BCOR: variants seen among roughly 807,000 people sequenced by gnomAD.
BCOR encodes the protein BCL-6 corepressor.
A neutral mutation model predicts 86.7 loss-of-function variants in BCOR; 10 were observed. The observed-to-expected ratio is 0.12, with a 90% CI of 0.07 to 0.20. The LOEUF (loss-of-function observed/expected upper bound fraction) is 0.20. Ranked by LOEUF, BCOR falls within the 10% of genes least tolerant of loss-of-function variation. The probability of loss-of-function intolerance (pLI) is 1.00; values close to 1 mark genes in which losing one functional copy is unlikely to be tolerated. For missense variants in BCOR, 1,259 were observed against 1,452.1 expected, an observed-to-expected ratio of 0.87 and a Z score of 2.16; for synonymous variants, 611 against 609.0, an observed-to-expected ratio of 1.00 and a Z score of -0.05.
chrX:40,063,546 A>G, intron 8 of BCOR, 62 bp downstream of exon 8: 5 of 966,521 alleles, frequency 5.2e-6, no homozygotes, highest in Non-Finnish European at 7.3e-6. Context: ...CCTTTCCTAC[A>G]GAGAGTGGAT....
At chrX:40,156,191 G>A (rs1299158141) in intron 1 of BCOR, among the ~76,000 whole-genome samples, 2 of 112,865 alleles carry the variant, frequency 1.8e-5, no homozygotes, top group East Asian at 5.6e-4. Context: ...CGATGGGTTG[G>A]GGGGAAGGGT....
intron 1 of BCOR, among the ~76,000 whole-genome samples, chrX:40,085,675 T>C (rs770730238): frequency 1.1e-4 from 12 of 111,860 alleles, no homozygotes; most frequent in Non-Finnish European, 2.3e-4. Flanking sequence ...CAGCCCTAAA[T>C]GATCTTCCAA....
intron 1 of BCOR, among the ~76,000 whole-genome samples, chrX:40,169,307 T>G (rs1938570407): frequency 8.9e-6 from 1 of 111,981 alleles, no homozygotes; most frequent in South Asian, 3.7e-4. Flanking sequence ...GCATCTGATG[T>G]GCTCAACAGA....
At chrX:40,132,330 T>G (rs964666682) in intron 1 of BCOR, among the ~76,000 whole-genome samples, 7 of 110,729 alleles carry the variant, frequency 6.3e-5, no homozygotes, top group Admixed American at 1.9e-4. Context: ...AGAGTTGGGG[T>G]TTTTTTTGTT....
In BCOR at chrX:40,062,917, A is replaced by G; in HGVS notation, c.4002T>C (p.Cys1334=). Residue 1334 remains cysteine (C), a synonymous_variant, in exon 9 of 15, where the codon TGT becomes TGC. Coordinates refer to ENST00000378444, the MANE Select transcript of BCOR (RefSeq NM_001123385.2). The part of the protein sequence containing the change: ...IKENQKTDVL[C]ADEEEDCQAA... ...CCTGGCAATCCTCTTCTTCGTCTGCACACAGCACATCTGTCTTCTGGTTTT... is the reference window on the plus strand; with the variant it reads ...CCTGGCAATCCTCTTCTTCGTCTGCGCACAGCACATCTGTCTTCTGGTTTT... 1 of 1,209,993 alleles carries G rather than the reference A, an allele frequency of 8.3e-7. No homozygotes were observed.
At chrX:40,111,524 C>T (rs1274912116) in intron 1 of BCOR, among the ~76,000 whole-genome samples, 1 of 111,733 alleles carries the variant, frequency 8.9e-6, no homozygotes, top group Non-Finnish European at 1.9e-5. Flanking sequence ...TCAGCAGTGA[C>T]ATTGATGGCA....
At chrX:40,090,881 A>G (rs1471644571) in intron 1 of BCOR, among the ~76,000 whole-genome samples, 1 of 112,150 alleles carries the variant, frequency 8.9e-6, no homozygotes, top group African/African-American at 3.2e-5. Context: ...GACGCCGGAA[A>G]TGGTGCTGGA....
Position 40,174,267 on chromosome X carries a change from C to CA in BCOR, c.-41+2739dup, listed in dbSNP as rs1365157359. Among the ~76,000 whole-genome samples the CA allele has an allele frequency of 3.6e-5, 4 of 112,481 alleles. No individual in the cohort carries two copies. The East Asian group carries it at 1.1e-3, about 31-fold the overall frequency. On this transcript the variant is annotated intron_variant, in intron 1 of 14. Coordinates refer to the BCOR transcript ENST00000342274. Reference sequence around the variant, plus strand: ...GCCAAGCTGCCAGCCCCGAGAAAGACAAAGAACACGGGCGCCTCCAGGTTT... The same window carrying CA: ...GCCAAGCTGCCAGCCCCGAGAAAGACAAAAGAACACGGGCGCCTCCAGGTTT...
chrX:40,120,351 T>G (rs1305353866), intron 1 of BCOR, among the ~76,000 whole-genome samples: 2 of 111,183 alleles, frequency 1.8e-5, no homozygotes, highest in Non-Finnish European at 3.8e-5. Context: ...TAAAACTGCT[T>G]CTTCTCCCTG....
chrX:40,176,591 G>GC (rs1261010628), intron 1 of BCOR, among the ~76,000 whole-genome samples: 14 of 107,941 alleles, frequency 1.3e-4, no homozygotes, highest in African/African-American at 4.8e-4. Flanking sequence ...CCCTGCCCCC[G>GC]CCCCCCAACG....
intron 9 of BCOR, 123 bp from the exon 10 acceptor site, chrX:40,062,516 T>G: frequency 3.1e-6 from 3 of 964,881 alleles, no homozygotes; most frequent in Non-Finnish European, 4.3e-6. Flanking sequence ...TTATCTTTTT[T>G]TGGGGGTGGG....
intron 8 of BCOR, 79 bp downstream of exon 8, chrX:40,063,529 C>A (rs1312437802): frequency 3.6e-6 from 3 of 842,653 alleles, no homozygotes; most frequent in Non-Finnish European, 5.2e-6. Context: ...AAGATCTCCT[C>A]AAAAGCCCTT....
upstream of BCOR, among the ~76,000 whole-genome samples, chrX:40,100,280 C>T (rs1047837508): frequency 8.9e-6 from 1 of 112,854 alleles, no homozygotes; most frequent in African/African-American, 3.2e-5. Flanking sequence ...GGAGGCCGCT[C>T]TGCTGCTGCA....
chrX:40,066,366 C>T (rs1330133196), intron 6 of BCOR, among the ~76,000 whole-genome samples: 1 of 111,693 alleles, frequency 9.0e-6, no homozygotes, highest in African/African-American at 3.3e-5. Flanking sequence ...GGCTGCGACT[C>T]GAGTTGCTCT....
At chrX:40,109,407 A>T in intron 1 of BCOR, among the ~76,000 whole-genome samples, 1 of 111,913 alleles carries the variant, frequency 8.9e-6, no homozygotes. Context: ...TTTCTCCTTG[A>T]TGAGGTGCTG....
At chrX:40,066,872 G>A (rs1464237879) in intron 6 of BCOR, among the ~76,000 whole-genome samples, 5 of 107,885 alleles carry the variant, frequency 4.6e-5, no homozygotes, top group Admixed American at 9.8e-5. Context: ...AGCCAGTGTG[G>A]GGCCCCACCC....
intron 1 of BCOR, among the ~76,000 whole-genome samples, chrX:40,123,867 C>G (rs1240585482): frequency 9.1e-5 from 10 of 110,353 alleles, no homozygotes; most frequent in Non-Finnish European, 1.9e-4. Context: ...GAAATGTTTC[C>G]TCTCTCCCAG....
chrX:40,072,832 G>T lies in BCOR; in HGVS notation c.2514C>A (p.Pro838=), dbSNP rs147497014. The T allele has an allele frequency of 1.9e-3, 2,241 of 1,209,738 alleles. 1 individual carries two copies. The highest frequency in any genetic ancestry group is 2.4e-3 in the Non-Finnish European group (2,158 of 895,136). The change falls in exon 4 of 15, where the codon CCC becomes CCA. Residue 838 remains proline, a synonymous_variant. Coordinates refer to ENST00000378444, the MANE Select transcript of BCOR (RefSeq NM_001123385.2). The stretch of plus-strand genomic sequence containing the variant: ...GCAGGGCCGGCTCAACTGAGGGCTT[G>T]GGGGGCTCAGCGCTCTGGCCAACAC... ...AESVGQSAEP[P]KPSVEPALQQ... is the part of the protein sequence containing the mutation.
intron 1 of BCOR, among the ~76,000 whole-genome samples, chrX:40,117,345 A>G (rs1006626233): frequency 9.0e-6 from 1 of 111,413 alleles, no homozygotes; most frequent in Non-Finnish European, 1.9e-5. Context: ...ACCTCCACCA[A>G]TCGAGACCTA....
Sources: gnomAD v4.1 joint callset for allele counts (sites outside exome capture counted in the v4.1 genomes callset) on GRCh38, gnomAD v4.1.1 for gene constraint, MANE v1.5 for transcripts, NCBI Gene and HGNC (gene_info 2026-07-23, HGNC 2026-07-21) for gene names.